The following CTNNA2 variants were observed in gnomAD, a reference collection of about 807,000 sequenced individuals.
CTNNA2 encodes catenin alpha-2.
In CTNNA2, 42 loss-of-function variants were observed where a neutral mutation model predicts 101.0. The observed-to-expected ratio is 0.42, with a 90% confidence interval of 0.32 to 0.54. The LOEUF is 0.54. Ranked by LOEUF, CTNNA2 falls within the 20% of genes least tolerant of loss-of-function variation. The pLI is 0.14. For synonymous variants in CTNNA2, 450 were observed against 456.4 expected (o/e 0.99, Z 0.18); for missense variants, 871 against 1,223.1 (o/e 0.71, Z 4.29).
At chr2:80,035,700 G>T (rs1695603429) in intron 7 of CTNNA2, among the ~76,000 whole-genome samples, 1 of 152,038 alleles carries the variant, frequency 6.6e-6, no homozygotes, top group Admixed American at 6.6e-5. Flanking sequence ...AAAGAAGGAA[G>T]TAAAATTCAA....
intron 4 of CTNNA2, among the ~76,000 whole-genome samples, chr2:79,394,779 T>A (rs1219657212): frequency 1.8e-5 from 1 of 54,688 alleles, no homozygotes; most frequent in Non-Finnish European, 3.6e-5. Flanking sequence ...TTCGTTTTAC[T>A]TAAAAAAATT....
chr2:79,859,511 C>T (rs1002350030), intron 4 of CTNNA2, among the ~76,000 whole-genome samples: 3 of 152,190 alleles, frequency 2.0e-5, no homozygotes, highest in African/African-American at 4.8e-5. Context: ...CCAACACCTG[C>T]AGCCTGAGCT....
At chr2:79,264,571 A>T (rs1375423717) in intron 2 of CTNNA2, among the ~76,000 whole-genome samples, 1 of 152,098 alleles carries the variant, frequency 6.6e-6, no homozygotes, top group Admixed American at 6.6e-5. Context: ...AGTTGAAATG[A>T]CCAGACTGAG....
chr2:79,349,966 C>G (rs1677348771), intron 3 of CTNNA2, among the ~76,000 whole-genome samples: 2 of 149,486 alleles, frequency 1.3e-5, no homozygotes, highest in Non-Finnish European at 2.9e-5. Context: ...CCTAGCTACT[C>G]AGGAGGCTGA....
At chr2:80,283,187 G>A (rs2149163817) in intron 7 of CTNNA2, among the ~76,000 whole-genome samples, 1 of 152,108 alleles carries the variant, frequency 6.6e-6, no homozygotes, top group South Asian at 2.1e-4. Context: ...AGTTGTGATT[G>A]AAAGACACTT....
At chr2:80,132,601 G>A (rs1285308343) in intron 7 of CTNNA2, among the ~76,000 whole-genome samples, 2 of 152,060 alleles carry the variant, frequency 1.3e-5, no homozygotes, top group Non-Finnish European at 2.9e-5. Flanking sequence ...GTTACTCTTG[G>A]CAGCCCAAAT....
chr2:79,190,578 C>T (rs774715157), intron 1 of CTNNA2, among the ~76,000 whole-genome samples: 1 of 152,050 alleles, frequency 6.6e-6, no homozygotes, highest in Non-Finnish European at 1.5e-5. Context: ...TAGACTCCTG[C>T]CGTTTAGAAA....
chr2:79,626,070 T>C (rs989655030), intron 1 of CTNNA2, among the ~76,000 whole-genome samples: 1 of 152,130 alleles, frequency 6.6e-6, no homozygotes, highest in Non-Finnish European at 1.5e-5. Flanking sequence ...CTTCATCTAT[T>C]TTGATTAAAT....
intron 3 of CTNNA2, among the ~76,000 whole-genome samples, chr2:79,325,387 G>C (rs967187505): frequency 9.2e-5 from 14 of 152,168 alleles, no homozygotes; most frequent in Admixed American, 2.6e-4. Context: ...GGGATTCCAA[G>C]AGTTCGTACA....
At chr2:79,810,227 T>C (rs1289190702) in intron 3 of CTNNA2, among the ~76,000 whole-genome samples, 2 of 152,110 alleles carry the variant, frequency 1.3e-5, no homozygotes, top group Non-Finnish European at 2.9e-5. Context: ...TTTAAGGGAC[T>C]CATAGTTCCA....
intron 3 of CTNNA2, among the ~76,000 whole-genome samples, chr2:79,322,957 G>C (rs1258992596): frequency 6.6e-6 from 1 of 152,154 alleles, no homozygotes; most frequent in East Asian, 1.9e-4. Flanking sequence ...TCTATGCCTG[G>C]TTATTTCCCT....
At chr2:80,275,148 A>C (rs1673794342) in intron 7 of CTNNA2, among the ~76,000 whole-genome samples, 1 of 151,962 alleles carries the variant, frequency 6.6e-6, no homozygotes, top group South Asian at 2.1e-4. Context: ...CTTAAGTCAA[A>C]CCCCCGTGAC....
At chr2:79,935,352 C>CTTTT (rs56252618) in intron 7 of CTNNA2, among the ~76,000 whole-genome samples, 113 of 144,706 alleles carry the variant, frequency 7.8e-4, no homozygotes, top group African/African-American at 2.8e-3. Context: ...CTCTCTCTCT[C>CTTTT]TTTTTTTTTT....
At chr2:80,495,862 C>T (rs191942946) in intron 9 of CTNNA2, among the ~76,000 whole-genome samples, 33 of 146,678 alleles carry the variant, frequency 2.2e-4, no homozygotes, top group South Asian at 4.3e-4. Flanking sequence ...ATAGCTTGAG[C>T]CCGGGAGACG....
At chr2:79,731,072 A>C (rs939069904) in intron 2 of CTNNA2, among the ~76,000 whole-genome samples, 5 of 152,002 alleles carry the variant, frequency 3.3e-5, no homozygotes, top group African/African-American at 1.2e-4. Context: ...AGTGTCACTT[A>C]AGCTATAATT....
intron 4 of CTNNA2, among the ~76,000 whole-genome samples, chr2:79,425,189 C>G (rs1266827069): frequency 6.6e-6 from 1 of 152,098 alleles, no homozygotes; most frequent in Non-Finnish European, 1.5e-5. Flanking sequence ...TGTAAGTTAA[C>G]CTGGCTAAGA....
chr2:80,049,007 A>AGG (rs1363030748), intron 7 of CTNNA2, among the ~76,000 whole-genome samples: 1 of 152,164 alleles, frequency 6.6e-6, no homozygotes, highest in Non-Finnish European at 1.5e-5. Flanking sequence ...CCAAGTCATT[A>AGG]GGGGCTACAG....
chr2:80,302,339 G>A lies in CTNNA2; in HGVS notation c.1057-90872G>A. The A allele has an allele frequency of 6.2e-7, 1 of 1,614,202 alleles. No individual in the cohort carries two copies. The highest frequency in any genetic ancestry group is 8.5e-7 in the Non-Finnish European group (1 of 1,180,034). On this transcript the variant is annotated intron_variant, in intron 7 of 18. Coordinates refer to ENST00000402739, the MANE Select transcript of CTNNA2 (RefSeq NM_001282597.3). The surrounding 1 kb of genome is among the most constrained non-coding windows in gnomAD (Gnocchi z 6.4). ...CACCAGGGCTCCCTCAATGTGGTTC[G>A]GTTTGTAATCAACGTAGTATTCCTG... is the stretch of plus-strand genomic sequence containing the variant.
intron 5 of CTNNA2, among the ~76,000 whole-genome samples, chr2:79,507,949 C>T (rs1671449577): frequency 6.6e-6 from 1 of 152,224 alleles, no homozygotes; most frequent in Non-Finnish European, 1.5e-5. Context: ...AATCACTCTT[C>T]AAATAACTTC....
Sources: allele counts gnomAD v4.1 joint callset (sites outside exome capture counted in the v4.1 genomes callset), GRCh38; gene constraint gnomAD v4.1.1; non-coding constraint Gnocchi (gnomAD v3.1); transcripts MANE v1.5; gene names NCBI Gene and HGNC (gene_info 2026-07-23, HGNC 2026-07-21).